Variants in HOMER2 observed in about 807,000 individuals in gnomAD.
HOMER2 encodes the protein homer scaffold protein 2, also known as homer protein homolog 2.
Under a neutral mutation model 47.0 loss-of-function variants are expected in HOMER2, and 27 were observed. The ratio of observed to expected loss-of-function variants is 0.57; its 90% CI spans 0.42 to 0.79. The LOEUF is 0.79. Among genes scored for constraint, HOMER2 ranks in the 30% least tolerant of loss-of-function variants. HOMER2 has a pLI of 0.00. For synonymous variants in HOMER2, 161 were observed against 163.8 expected, an observed-to-expected ratio of 0.98 and a Z score of 0.13; for missense variants, 443 against 435.0, an observed-to-expected ratio of 1.02 and a Z score of -0.16.
intron 1 of HOMER2, among the ~76,000 whole-genome samples, chr15:82,910,712 G>T (rs2053428001): frequency 6.6e-6 from 1 of 152,208 alleles, no homozygotes; most frequent in Admixed American, 6.5e-5. Flanking sequence ...ATGGTCACCA[G>T]GTGGTCTTTG....
chr15:82,854,807 G>A lies in HOMER2; in HGVS notation c.495-7C>T. 1 of 1,606,012 alleles carries A rather than the reference G, an allele frequency of 6.2e-7. No individual in the cohort carries two copies. The highest frequency in any genetic ancestry group is 1.1e-5 in the South Asian group (1 of 90,978). ...CTTCTTCACGTTGGCTGCGCTGCAG[G>A]ACAGGGACGGGCGGTGACGACGGGG... On this transcript the variant is annotated splice_region_variant and splice_polypyrimidine_tract_variant and intron_variant, in intron 5 of 8. Coordinates refer to ENST00000450735, the MANE Select transcript of HOMER2 (RefSeq NM_004839.4).
intron 1 of HOMER2, among the ~76,000 whole-genome samples, chr15:82,903,259 C>T (rs541646800): frequency 2.0e-5 from 3 of 152,240 alleles, no homozygotes; most frequent in Admixed American, 1.3e-4. Context: ...AAAATGGCGT[C>T]GGGAGCATTT....
At chr15:82,904,293 T>C (rs528191602) in intron 1 of HOMER2, among the ~76,000 whole-genome samples, 1 of 152,022 alleles carries the variant, frequency 6.6e-6, no homozygotes, top group East Asian at 1.9e-4. Flanking sequence ...CAGAGACCTC[T>C]GTGGAAATGA....
At chr15:82,895,771 C>T (rs897674132) in intron 1 of HOMER2, among the ~76,000 whole-genome samples, 40 of 152,252 alleles carry the variant, frequency 2.6e-4, no homozygotes, top group Admixed American at 7.8e-4. Context: ...CATGCTTAGA[C>T]GGGTGTTCCC....
chr15:82,986,115 G>A (rs549245851), upstream of HOMER2: 664 of 985,220 alleles, frequency 6.7e-4, no homozygotes, highest in Middle Eastern at 6.8e-3. Flanking sequence ...AGCATTTGAA[G>A]AAGCGATCTG....
intron 1 of HOMER2, among the ~76,000 whole-genome samples, chr15:82,961,510 C>G (rs1396637571): frequency 6.6e-6 from 1 of 152,234 alleles, no homozygotes; most frequent in Admixed American, 6.5e-5. Flanking sequence ...AGTGTTCAAT[C>G]TACTTTACTC....
At chr15:82,850,433 T>C (rs1387962272) in intron 8 of HOMER2, among the ~76,000 whole-genome samples, 1 of 152,210 alleles carries the variant, frequency 6.6e-6, no homozygotes, top group Non-Finnish European at 1.5e-5. Flanking sequence ...CCTCTGATGC[T>C]GTTACCATGG....
At position 82,888,665 on chromosome 15, in the gene HOMER2, C is replaced by A. The variant is rs1192969102; in HGVS notation, c.162+4020G>T. Among the ~76,000 whole-genome samples, 2 of 73,960 alleles carry A rather than the reference C, an allele frequency of 2.7e-5. 1 individual carries two copies. The highest frequency in any genetic ancestry group is 4.9e-5 in the Non-Finnish European group (2 of 41,020). The allele number at this position is 73,960 out of a possible 152,430, so 48.5% of individuals were successfully genotyped here. On this transcript the variant is annotated intron_variant, in intron 2 of 8. Coordinates refer to ENST00000450735, the MANE Select transcript of HOMER2 (RefSeq NM_004839.4). ...TGGGAGTGATCCGATTTTCCAGGTGCGTCCGTCACCCCTTTCTTTGACTCG... is the reference window on the plus strand; with the variant it reads ...TGGGAGTGATCCGATTTTCCAGGTGAGTCCGTCACCCCTTTCTTTGACTCG...
chr15:82,963,968 T>C (rs2054652330), intron 1 of HOMER2, among the ~76,000 whole-genome samples: 1 of 152,222 alleles, frequency 6.6e-6, no homozygotes, highest in Non-Finnish European at 1.5e-5. Context: ...AACTGAGCAC[T>C]GACGATGAGA....
intron 3 of HOMER2, among the ~76,000 whole-genome samples, chr15:82,872,648 GT>G (rs2052215226): frequency 6.6e-6 from 1 of 152,192 alleles, no homozygotes. Flanking sequence ...TCCATCAACA[GT>G]GAACTCTCCA....
At chr15:82,976,678 G>T (rs1473921007) in intron 1 of HOMER2, among the ~76,000 whole-genome samples, 16 of 125,184 alleles carry the variant, frequency 1.3e-4, no homozygotes, top group African/African-American at 1.5e-4. Flanking sequence ...TTTGTGTGTG[G>T]TTTTTTTTTT....
At chr15:82,937,440 G>A (rs113786984) in intron 1 of HOMER2, among the ~76,000 whole-genome samples, 2,172 of 152,234 alleles carry the variant, frequency 0.014, 46 homozygotes, top group African/African-American at 0.05. Flanking sequence ...TGAGACACAC[G>A]TTAAGTCAGA....
intron 1 of HOMER2, among the ~76,000 whole-genome samples, chr15:82,984,056 G>T (rs1441485951): frequency 1.4e-5 from 2 of 145,636 alleles, no homozygotes; most frequent in African/African-American, 2.6e-5. Flanking sequence ...TTTTTGAGAC[G>T]GAGTCTTGCT....
chr15:82,834,963 G>C (rs2051108240), downstream of HOMER2: 1 of 152,172 alleles, frequency 6.6e-6, no homozygotes, highest in Admixed American at 6.5e-5. Context: ...GGAAGGGACT[G>C]ATGCAAAGCA....
In HOMER2 at chr15:82,946,422, G is replaced by A. The variant is rs150010324; in HGVS notation, c.5+6109C>T. Among the ~76,000 whole-genome samples, 224 of 152,204 alleles carry A rather than the reference G, an allele frequency of 1.5e-3. 1 individual carries two copies. The Middle Eastern group carries it at 0.017, about 12-fold the overall frequency. ...CTTCGTGCTCTCTCTGGCTCACTCT[G>A]CTCCAGCCATACTAGCTTCCTTACT... On this transcript the variant is annotated intron_variant, in intron 1 of 8. Coordinates refer to ENST00000450735, the MANE Select transcript of HOMER2 (RefSeq NM_004839.4).
intron 3 of HOMER2, among the ~76,000 whole-genome samples, chr15:82,870,866 G>A (rs2052153892): frequency 6.6e-6 from 1 of 152,154 alleles, no homozygotes; most frequent in Non-Finnish European, 1.5e-5. Context: ...CGCCATCCTG[G>A]GTCGCTCCCC....
chr15:82,968,235 A>G (rs940649477), intron 1 of HOMER2, among the ~76,000 whole-genome samples: 2 of 152,080 alleles, frequency 1.3e-5, no homozygotes, highest in African/African-American at 4.8e-5. Flanking sequence ...TACTTTCACA[A>G]TGTTGTGCAA....
At chr15:82,861,053 T>C (rs2051773728) in intron 4 of HOMER2, among the ~76,000 whole-genome samples, 1 of 151,246 alleles carries the variant, frequency 6.6e-6, no homozygotes, top group Non-Finnish European at 1.5e-5. Flanking sequence ...AAAGAAAGAC[T>C]TTTCATCTGT....
chr15:82,968,005 A>T (rs958911806), intron 1 of HOMER2, among the ~76,000 whole-genome samples: 2 of 152,226 alleles, frequency 1.3e-5, no homozygotes, highest in Admixed American at 6.5e-5. Flanking sequence ...CTCATTCAAA[A>T]ATATATATAA....
Sources: gnomAD v4.1 joint callset for allele counts (sites outside exome capture counted in the v4.1 genomes callset) on GRCh38, gnomAD v4.1.1 for gene constraint, MANE v1.5 for transcripts, NCBI Gene and HGNC (gene_info 2026-07-23, HGNC 2026-07-21) for gene names.